TNS3: variants seen among roughly 807,000 people sequenced by gnomAD.
TNS3 encodes the protein tensin-3.
Under a neutral mutation model 140.9 loss-of-function variants are expected in TNS3, and 45 were observed. The ratio of observed to expected loss-of-function variants is 0.32; its 90% CI spans 0.25 to 0.41. TNS3 has a LOEUF of 0.41. TNS3 is among the 10% of genes least tolerant of loss of function. The pLI is 1.00. For missense variants in TNS3, 1,716 were observed against 1,906.7 expected (o/e 0.90, Z 1.86); for synonymous variants, 815 against 788.4 (o/e 1.03, Z -0.56).
intron 3 of TNS3, among the ~76,000 whole-genome samples, chr7:47,501,763 T>C (rs1798234990): frequency 6.6e-6 from 1 of 152,082 alleles, no homozygotes; most frequent in Admixed American, 6.5e-5. Flanking sequence ...GCTCACTGTC[T>C]CGTGGGAGGA....
At chr7:47,475,534 G>T (rs888846950) in intron 4 of TNS3, among the ~76,000 whole-genome samples, 4 of 1,926 alleles carry the variant, frequency 2.1e-3, no homozygotes, top group African/African-American at 2.1e-3. Flanking sequence ...GCACTTCCCC[G>T]GGGGGGGGGC....
intron 3 of TNS3, among the ~76,000 whole-genome samples, chr7:47,501,175 AG>A (rs1798203497): frequency 1.1e-4 from 2 of 18,240 alleles, no homozygotes; most frequent in South Asian, 4.5e-3. Flanking sequence ...GGAGGAAGAG[AG>A]GAAGGAAGGA....
At chr7:47,283,902 C>T (rs1346681478) in intron 27 of TNS3, 37 bp from the exon 28 acceptor site, 1 of 1,530,502 alleles carries the variant, frequency 6.5e-7, no homozygotes, top group Non-Finnish European at 8.8e-7. Context: ...TTAGTTGCAA[C>T]TATTGGGACA....
intron 8 of TNS3, among the ~76,000 whole-genome samples, chr7:47,434,766 C>T (rs564888003): frequency 9.8e-5 from 15 of 152,324 alleles, no homozygotes; most frequent in African/African-American, 3.6e-4. Context: ...GACAGACAGA[C>T]AGTCCCGGCC....
chr7:47,558,028 C>T (rs1166240678), intron 1 of TNS3, among the ~76,000 whole-genome samples: 1 of 152,194 alleles, frequency 6.6e-6, no homozygotes, highest in East Asian at 1.9e-4. Flanking sequence ...AGAACTTCTG[C>T]ACCACTCCCA....
rs747535083 is a variant in TNS3 at position 47,278,230 on chromosome 7, GA to G, written c.4194-11del. On this transcript the variant is annotated splice_polypyrimidine_tract_variant and intron_variant, in intron 30 of 30. Coordinates refer to ENST00000311160, the MANE Select transcript of TNS3 (RefSeq NM_022748.12). ...CACAAATCCAAAGACTCTGCCAAAG[GA>G]AAGTCCAGTCAGAGTGGTCAGTGTC... is the stretch of plus-strand genomic sequence containing the variant. 9.9e-6 allele frequency: 16 copies of G among 1,612,756 alleles called. No individual in the cohort carries two copies. Among genetic ancestry groups the G allele is most frequent in the Non-Finnish European group, 1.4e-5 (16 of 1,179,548 alleles).
chr7:47,394,207 C>T (rs950660572), intron 16 of TNS3, among the ~76,000 whole-genome samples: 1 of 152,210 alleles, frequency 6.6e-6, no homozygotes, highest in African/African-American at 2.4e-5. Flanking sequence ...ATATTTGTGT[C>T]CCCTAAGATT....
At chr7:47,399,142 G>C (rs1047759173) in intron 15 of TNS3, among the ~76,000 whole-genome samples, 1 of 148,388 alleles carries the variant, frequency 6.7e-6, no homozygotes, top group Non-Finnish European at 1.5e-5. Context: ...TCCATACGAG[G>C]AGAACTACAA....
intron 10 of TNS3, among the ~76,000 whole-genome samples, chr7:47,415,739 G>T (rs12216624): frequency 1.3e-5 from 2 of 152,238 alleles, no homozygotes; most frequent in Non-Finnish European, 2.9e-5. Flanking sequence ...TCTGATAAGA[G>T]GCTCTCCTTC....
chr7:47,543,310 C>T (rs1052315984), intron 1 of TNS3, among the ~76,000 whole-genome samples: 12 of 152,226 alleles, frequency 7.9e-5, no homozygotes, highest in African/African-American at 2.9e-4. Context: ...ATCCAGCAAA[C>T]ATCTTCACAC....
intron 16 of TNS3, among the ~76,000 whole-genome samples, chr7:47,395,681 A>G (rs2151317010): frequency 6.6e-6 from 1 of 152,122 alleles, no homozygotes; most frequent in South Asian, 2.1e-4. Flanking sequence ...AGCAAAGAAC[A>G]CTCTGTTTAC....
At chr7:47,424,947 A>C (rs1402710256) in intron 9 of TNS3, among the ~76,000 whole-genome samples, 1 of 152,230 alleles carries the variant, frequency 6.6e-6, no homozygotes, top group Non-Finnish European at 1.5e-5. Flanking sequence ...GGATTTCTTG[A>C]TATGACTTCA....
intron 9 of TNS3, among the ~76,000 whole-genome samples, chr7:47,427,144 A>AC: frequency 6.8e-6 from 1 of 147,834 alleles, no homozygotes; most frequent in East Asian, 2.0e-4. Flanking sequence ...AAAAAAAAAA[A>AC]ACAGAAGTGC....
chr7:47,436,803 C>CAT (rs1205023905), intron 7 of TNS3, among the ~76,000 whole-genome samples: 1 of 151,878 alleles, frequency 6.6e-6, no homozygotes. Flanking sequence ...TTGTTCCATG[C>CAT]ATATATATAT....
chr7:47,552,635 G>A (rs181448818), intron 1 of TNS3, among the ~76,000 whole-genome samples: 1 of 152,260 alleles, frequency 6.6e-6, no homozygotes, highest in Admixed American at 6.5e-5. Context: ...ATCCATATAA[G>A]ACTGCGAACT....
intron 17 of TNS3, among the ~76,000 whole-genome samples, chr7:47,352,364 ACACT>A (rs748788657): frequency 1.3e-5 from 2 of 151,952 alleles, no homozygotes; most frequent in Admixed American, 1.3e-4. Context: ...ACTCATTCTC[ACACT>A]CACACTCACG....
intron 17 of TNS3, among the ~76,000 whole-genome samples, chr7:47,354,339 G>C (rs529519188): frequency 6.6e-6 from 1 of 152,060 alleles, no homozygotes; most frequent in East Asian, 1.9e-4. Context: ...GGCTCTGGGC[G>C]ATCCGCCCTC....
chr7:47,445,760 T>C (rs1345726015), intron 4 of TNS3, among the ~76,000 whole-genome samples: 1 of 152,190 alleles, frequency 6.6e-6, no homozygotes, highest in Admixed American at 6.5e-5. Flanking sequence ...TGCTTTGACT[T>C]GGACTAAAAT....
chr7:47,404,682 C>A (rs917064518), intron 13 of TNS3, among the ~76,000 whole-genome samples: 17 of 151,994 alleles, frequency 1.1e-4, no homozygotes, highest in African/African-American at 3.9e-4. Flanking sequence ...GTCAGGAGAT[C>A]GACACCATCC....
Sources: allele counts gnomAD v4.1 joint callset (sites outside exome capture counted in the v4.1 genomes callset), GRCh38; gene constraint gnomAD v4.1.1; transcripts MANE v1.5; gene names NCBI Gene and HGNC (gene_info 2026-07-23, HGNC 2026-07-21).